Variants in SUGCT observed in about 807,000 individuals in gnomAD.
The protein encoded by SUGCT is succinyl-CoA:glutarate CoA-transferase.
SUGCT carries 41 observed loss-of-function variants against 55.0 expected under a neutral mutation model. The observed-to-expected ratio is 0.74, with a 90% CI of 0.58 to 0.97. SUGCT has a LOEUF of 0.97. Among genes scored for constraint, SUGCT ranks in the 50% least tolerant of loss-of-function variants. The probability of loss-of-function intolerance (pLI) is 0.00; values close to 1 mark genes in which losing one functional copy is unlikely to be tolerated. For missense variants in SUGCT, 568 were observed against 547.8 expected, an observed-to-expected ratio of 1.04 and a Z score of -0.37; for synonymous variants, 187 against 200.4, an observed-to-expected ratio of 0.93 and a Z score of 0.56.
At chr7:40,580,195 A>C (rs1283905522) in intron 12 of SUGCT, among the ~76,000 whole-genome samples, 1 of 152,232 alleles carries the variant, frequency 6.6e-6, no homozygotes, top group Admixed American at 6.5e-5. Context: ...TTCAACATAC[A>C]ATACACAGAA....
chr7:40,372,650 T>C (rs776716273), intron 9 of SUGCT, among the ~76,000 whole-genome samples: 1 of 152,080 alleles, frequency 6.6e-6, no homozygotes, highest in Non-Finnish European at 1.5e-5. Flanking sequence ...ATTAATCTTT[T>C]ATGTCAGTGG....
chr7:40,949,193 C>A, the SUGCT span, among the ~76,000 whole-genome samples: 1 of 152,200 alleles, frequency 6.6e-6, no homozygotes, highest in Non-Finnish European at 1.5e-5. Context: ...ATTTGCATTT[C>A]TCTGATGGCC....
chr7:40,784,170 T>C (rs1789899763), intron 13 of SUGCT, among the ~76,000 whole-genome samples: 1 of 152,186 alleles, frequency 6.6e-6, no homozygotes, highest in Admixed American at 6.5e-5. Flanking sequence ...TGAGCATGGC[T>C]TCCGGGCAAA....
chr7:40,845,584 T>A lies in SUGCT; in HGVS notation c.1154-14732T>A, dbSNP rs1202847064. Among the ~76,000 whole-genome samples the A allele has an allele frequency of 3.3e-5, 5 of 152,080 alleles. No homozygotes were observed. The East Asian group carries it at 7.7e-4, about 23-fold the overall frequency. On this transcript the variant is annotated intron_variant, in intron 13 of 13. Coordinates refer to ENST00000335693, the MANE Select transcript of SUGCT (RefSeq NM_001193313.2). ...AGCAAGGTATAAGTAAGGCCAGGGATTAGAGTGCTGTTATTGAGAGGATGG... is the reference window on the plus strand; with the variant it reads ...AGCAAGGTATAAGTAAGGCCAGGGAATAGAGTGCTGTTATTGAGAGGATGG...
the SUGCT span, among the ~76,000 whole-genome samples, chr7:41,000,755 GAGGA>G: frequency 2.0e-5 from 3 of 152,142 alleles, no homozygotes; most frequent in African/African-American, 7.2e-5. Context: ...GATGATAAGT[GAGGA>G]GATATTTCAT....
At chr7:40,594,451 C>T (rs1049404178) in intron 12 of SUGCT, among the ~76,000 whole-genome samples, 1 of 151,954 alleles carries the variant, frequency 6.6e-6, no homozygotes, top group Non-Finnish European at 1.5e-5. Flanking sequence ...GTTATTATGA[C>T]AGGAACCTCC....
intron 12 of SUGCT, among the ~76,000 whole-genome samples, chr7:40,544,243 C>A (rs772896185): frequency 4.6e-5 from 7 of 151,144 alleles, no homozygotes; most frequent in Non-Finnish European, 1.0e-4. Context: ...TTCCTTTTTC[C>A]TCCATAACCC....
At chr7:40,433,003 TCTTTTTG>T (rs939192676) in intron 9 of SUGCT, among the ~76,000 whole-genome samples, 2 of 152,152 alleles carry the variant, frequency 1.3e-5, no homozygotes, top group Non-Finnish European at 2.9e-5. Context: ...CATTCTTTTT[TCTTTTTG>T]CTTCCTTGAT....
chr7:40,258,819 AC>A (rs1791013260), intron 7 of SUGCT, among the ~76,000 whole-genome samples: 1 of 152,196 alleles, frequency 6.6e-6, no homozygotes. Context: ...TGATCCAGCA[AC>A]CCCACCAATG....
chr7:40,157,488 T>G (rs969344819), intron 1 of SUGCT, among the ~76,000 whole-genome samples: 4 of 152,166 alleles, frequency 2.6e-5, no homozygotes, highest in African/African-American at 9.7e-5. Context: ...TGATCTCTGC[T>G]CCAGAAACTT....
chr7:40,869,049 A>G, the SUGCT span, among the ~76,000 whole-genome samples: 1 of 152,196 alleles, frequency 6.6e-6, no homozygotes, highest in Non-Finnish European at 1.5e-5. Context: ...TATAAACATT[A>G]TTCAAATTTT....
At chr7:40,703,694 G>A (rs1356026630) in intron 12 of SUGCT, among the ~76,000 whole-genome samples, 1 of 152,150 alleles carries the variant, frequency 6.6e-6, no homozygotes, top group East Asian at 1.9e-4. Flanking sequence ...AATCCCAGAT[G>A]GTCAAAGATG....
intron 13 of SUGCT, among the ~76,000 whole-genome samples, chr7:40,858,403 CAAAAAA>C (rs58628576): frequency 5.8e-5 from 2 of 34,754 alleles, no homozygotes; most frequent in Admixed American, 3.5e-4. Flanking sequence ...AATTCCATCT[CAAAAAA>C]AAAAAAAAAA....
intron 6 of SUGCT, among the ~76,000 whole-genome samples, chr7:40,212,368 G>T (rs926857875): frequency 1.7e-5 from 2 of 117,672 alleles, no homozygotes. Flanking sequence ...AGGCTGCAGT[G>T]AGCTATGATC....
chr7:40,257,884 A>G (rs1031383622), intron 7 of SUGCT, among the ~76,000 whole-genome samples: 8 of 152,164 alleles, frequency 5.3e-5, no homozygotes, highest in Non-Finnish European at 7.4e-5. Context: ...AGAAAAAAAA[A>G]TAAATAAATA....
intron 13 of SUGCT, among the ~76,000 whole-genome samples, chr7:40,847,243 A>G (rs1793602787): frequency 7.6e-6 from 1 of 131,930 alleles, no homozygotes; most frequent in Non-Finnish European, 1.7e-5. Context: ...AAACAACACA[A>G]ATGTATTTCT....
At chr7:40,510,153 T>A (rs560519495) in intron 12 of SUGCT, among the ~76,000 whole-genome samples, 1 of 152,144 alleles carries the variant, frequency 6.6e-6, no homozygotes, top group South Asian at 2.1e-4. Flanking sequence ...ATTTATTATA[T>A]TGATTATAAG....
intron 12 of SUGCT, among the ~76,000 whole-genome samples, chr7:40,560,713 G>A (rs1288998079): frequency 6.6e-6 from 1 of 152,156 alleles, no homozygotes; most frequent in Non-Finnish European, 1.5e-5. Flanking sequence ...TACTTCCAGT[G>A]TAAAACTTGC....
At chr7:40,617,614 T>C (rs776178690) in intron 12 of SUGCT, among the ~76,000 whole-genome samples, 3 of 151,850 alleles carry the variant, frequency 2.0e-5, no homozygotes, top group Non-Finnish European at 2.9e-5. Flanking sequence ...TAGAAATAAC[T>C]TACTGGGATT....
Sources: gnomAD v4.1 joint callset for allele counts (sites outside exome capture counted in the v4.1 genomes callset) on GRCh38, gnomAD v4.1.1 for gene constraint, MANE v1.5 for transcripts, NCBI Gene and HGNC (gene_info 2026-07-23, HGNC 2026-07-21) for gene names.